Variants in CCDC175 observed in about 807,000 individuals in gnomAD.
The protein encoded by CCDC175 is coiled-coil domain-containing protein 175.
In CCDC175, 100 loss-of-function variants were observed where a neutral mutation model predicts 114.6. That is an observed-to-expected ratio of 0.87 (90% confidence interval 0.74 to 1.03). CCDC175 has a LOEUF of 1.03. Ranked by LOEUF, CCDC175 falls within the 50% of genes least tolerant of loss-of-function variation. The pLI is 0.00. For synonymous variants in CCDC175, 306 were observed against 308.7 expected (o/e 0.99, Z 0.09); for missense variants, 880 against 917.8 (o/e 0.96, Z 0.53).
At chr14:59,538,669 T>A in intron 12 of CCDC175, 36 bp downstream of exon 12, 1 of 1,488,590 alleles carries the variant, frequency 6.7e-7, no homozygotes, top group Non-Finnish European at 9.0e-7. Flanking sequence ...ATATGCAATG[T>A]AGGGGACTAA....
At chr14:59,534,401 G>A (rs1894270241) in intron 13 of CCDC175, among the ~76,000 whole-genome samples, 1 of 152,210 alleles carries the variant, frequency 6.6e-6, no homozygotes, top group African/African-American at 2.4e-5. Flanking sequence ...AGAGACCAAT[G>A]CAGATTCCAG....
rs76718216 is a variant in CCDC175 at position 59,550,336 on chromosome 14, C to A, written c.1035+1019G>T. 6.1e-3 allele frequency among the ~76,000 whole-genome samples: 929 copies of A among 152,186 alleles called. 9 individuals are homozygous for A. Among genetic ancestry groups the A allele is most frequent in the African/African-American group, 0.022 (893 of 41,514 alleles). ...ACCCTCACCCCCAATTTTTCACTAT[C>A]CTAATGAAGGCTTCATTGAATATTT... is the stretch of plus-strand genomic sequence containing the variant. On this transcript the variant is annotated intron_variant, in intron 8 of 19. Transcript: ENST00000537690.
rs1223415577 is a variant in CCDC175 at position 59,574,987 on chromosome 14, C to T, written c.199G>A (p.Ala67Thr). Residue 67 changes from alanine (A) to threonine (T), a missense_variant, in exon 2 of 20, where the codon GCT becomes ACT. Coordinates refer to ENST00000537690, the MANE Select transcript of CCDC175 (RefSeq NM_001164399.2). Reference sequence around the variant, plus strand: ...GCAATGTCCTTAAGAAAGATCTTAGCTTCTTCATTACATTTAAAATAGTCA... The same window carrying T: ...GCAATGTCCTTAAGAAAGATCTTAGTTTCTTCATTACATTTAAAATAGTCA... ...QSDYFKCNEE[A>T]KIFLKDIAVA... 2.6e-6 allele frequency: 4 copies of T among 1,518,204 alleles called. No individual in the cohort carries two copies. Among genetic ancestry groups the T allele is most frequent in the Middle Eastern group, 3.4e-4 (2 of 5,932 alleles). 94.0% of individuals were successfully genotyped at this position (1,518,204 alleles called of 1,614,324 possible).
At chr14:59,536,596 T>C (rs553655767) in intron 13 of CCDC175, among the ~76,000 whole-genome samples, 7 of 151,700 alleles carry the variant, frequency 4.6e-5, no homozygotes, top group African/African-American at 1.7e-4. Flanking sequence ...ATTGTAGTCA[T>C]TTGTGTCATC....
Position 59,551,434 on chromosome 14 carries a change from C to A in CCDC175, c.956G>T (p.Cys319Phe). Residue 319 changes from cysteine to phenylalanine, a missense_variant and splice_region_variant, in exon 8 of 20, where the codon TGT becomes TTT. Coordinates refer to ENST00000537690, the MANE Select transcript of CCDC175 (RefSeq NM_001164399.2). Reference protein sequence around the residue: ...KDLAILEAKLCFFTDNKEKLD... With the variant: ...KDLAILEAKLFFFTDNKEKLD... ...TTTTTCTTTGTTATCTGTGAAAAAA[C>A]ACCTATGAACAAAGGAAGCCAAACA... 7.1e-7 allele frequency: 1 copy of A among 1,404,270 alleles called. No individual in the cohort carries two copies. Among genetic ancestry groups the A allele is most frequent in the South Asian group, 1.4e-5 (1 of 72,286 alleles). 87.0% of individuals were successfully genotyped at this position (1,404,270 alleles called of 1,614,324 possible).
At chr14:59,551,830 A>C (rs887204039) in intron 7 of CCDC175, among the ~76,000 whole-genome samples, 2 of 152,180 alleles carry the variant, frequency 1.3e-5, no homozygotes, top group Non-Finnish European at 2.9e-5. Context: ...TATCCCGCGC[A>C]TGGCTCAGAG....
intron 14 of CCDC175, among the ~76,000 whole-genome samples, chr14:59,527,804 C>G (rs982218630): frequency 1.4e-4 from 21 of 152,146 alleles, no homozygotes; most frequent in South Asian, 2.1e-4. Context: ...TTTCTCCCCT[C>G]TCCCTCAGAA....
chr14:59,530,446 G>A (rs910914124), intron 14 of CCDC175, among the ~76,000 whole-genome samples: 2 of 148,118 alleles, frequency 1.4e-5, no homozygotes, highest in Non-Finnish European at 3.0e-5. Flanking sequence ...AGGAAGGGAA[G>A]GGGAGGGGAG....
At chr14:59,544,553 G>A (rs575547183) in intron 9 of CCDC175, among the ~76,000 whole-genome samples, 1 of 152,232 alleles carries the variant, frequency 6.6e-6, no homozygotes, top group Non-Finnish European at 1.5e-5. Context: ...TTTATCTGTT[G>A]AAATGCTAAC....
chr14:59,552,567 C>G (rs916253583), intron 7 of CCDC175, among the ~76,000 whole-genome samples: 3 of 152,274 alleles, frequency 2.0e-5, no homozygotes, highest in East Asian at 1.9e-4. Flanking sequence ...GCACCTCCCC[C>G]CCTCCAAAAG....
chr14:59,556,110 A>G (rs535560520), intron 7 of CCDC175, among the ~76,000 whole-genome samples: 1 of 151,566 alleles, frequency 6.6e-6, no homozygotes, highest in African/African-American at 2.4e-5. Context: ...AATTGGAAAA[A>G]ACTAAAGTTC....
chr14:59,526,827 G>C lies in CCDC175; in HGVS notation c.1842+268C>G, dbSNP rs569726524. The stretch of plus-strand genomic sequence containing the variant: ...CTGTTCCACAAGTACATGTTAGTTG[G>C]TTCTAGTCTCTCTCCCTCTTTCTCT... On this transcript the variant is annotated intron_variant, in intron 15 of 19. Transcript: ENST00000537690. Among the ~76,000 whole-genome samples, 70 of 152,230 alleles carry C rather than the reference G, an allele frequency of 4.6e-4. No individual in the cohort carries two copies. The South Asian group carries it at 0.015, about 32-fold the overall frequency.
intron 3 of CCDC175, among the ~76,000 whole-genome samples, chr14:59,570,430 T>C (rs144576530): frequency 5.4e-4 from 82 of 152,126 alleles, no homozygotes; most frequent in Non-Finnish European, 1.1e-3. Context: ...AACTGGAAAA[T>C]CTACCTTTTT....
At chr14:59,543,288 T>G in intron 10 of CCDC175, 56 bp downstream of exon 10, 1 of 630,156 alleles carries the variant, frequency 1.6e-6, no homozygotes, top group Non-Finnish European at 2.6e-6. Context: ...TATCATTTAT[T>G]AAAAAATAAA....
At chr14:59,541,876 A>G (rs1232074678) in intron 10 of CCDC175, among the ~76,000 whole-genome samples, 1 of 152,214 alleles carries the variant, frequency 6.6e-6, no homozygotes, top group Non-Finnish European at 1.5e-5. Context: ...TTCAGTCCAA[A>G]TCGATCTTCC....
At chr14:59,518,494 A>G (rs889850024) in intron 17 of CCDC175, among the ~76,000 whole-genome samples, 8 of 152,368 alleles carry the variant, frequency 5.3e-5, no homozygotes, top group Non-Finnish European at 8.8e-5. Context: ...AAGCCCATCA[A>G]CAAGTGGGCG....
intron 8 of CCDC175, among the ~76,000 whole-genome samples, chr14:59,550,409 AT>A (rs890977249): frequency 9.6e-4 from 146 of 151,338 alleles, no homozygotes; most frequent in African/African-American, 3.1e-3. Flanking sequence ...TTATGATATG[AT>A]TTTTTTTTAA....
Position 59,545,099 on chromosome 14 carries a change from T to C in CCDC175, c.1172+64A>G. On this transcript the variant is annotated intron_variant, in intron 9 of 19. Transcript: ENST00000537690. Reference sequence around the variant, plus strand: ...AAGTTTAAGTGGAGAGCCACCACTTTGATAGCAAGAAAAGCACCCCATAAT... The same window carrying C: ...AAGTTTAAGTGGAGAGCCACCACTTCGATAGCAAGAAAAGCACCCCATAAT... The C allele has an allele frequency of 2.8e-6, 4 of 1,447,290 alleles. No individual in the cohort carries two copies. In the South Asian group the frequency reaches 5.4e-5, roughly 20 times the overall value. The allele number at this position is 1,447,290 out of a possible 1,614,324, so 89.7% of individuals were successfully genotyped here. A position where few individuals can be genotyped will look rare whatever the true frequency, so the allele number is the denominator to read the frequency against.
At chr14:59,573,291 A>T (rs2140134852) in intron 2 of CCDC175, among the ~76,000 whole-genome samples, 1 of 152,248 alleles carries the variant, frequency 6.6e-6, no homozygotes, top group South Asian at 2.1e-4. Context: ...CTAAGAAATC[A>T]GTTGGTGGGA....
Sources: allele counts gnomAD v4.1 joint callset (sites outside exome capture counted in the v4.1 genomes callset), GRCh38; gene constraint gnomAD v4.1.1; transcripts MANE v1.5; gene names NCBI Gene and HGNC (gene_info 2026-07-23, HGNC 2026-07-21).